CTNNA3: variants seen among roughly 807,000 people sequenced by gnomAD.
The protein encoded by CTNNA3 is catenin alpha-3.
CTNNA3 carries 76 observed loss-of-function variants against 95.7 expected under a neutral mutation model. That is an observed-to-expected ratio of 0.79 (90% confidence interval 0.66 to 0.96). The LOEUF (loss-of-function observed/expected upper bound fraction) is 0.96. Ranked by LOEUF, CTNNA3 falls within the 40% of genes least tolerant of loss-of-function variation. CTNNA3 has a pLI of 0.00. For synonymous variants in CTNNA3, 431 were observed against 374.4 expected (o/e 1.15, Z -1.74); for missense variants, 1,191 against 1,089.8 (o/e 1.09, Z -1.31).
At chr10:67,395,809 A>C (rs896887148) in intron 5 of CTNNA3, among the ~76,000 whole-genome samples, 2 of 152,144 alleles carry the variant, frequency 1.3e-5, no homozygotes, top group African/African-American at 2.4e-5. Flanking sequence ...CCAACAACCT[A>C]TGTGGATAGA....
intron 7 of CTNNA3, among the ~76,000 whole-genome samples, chr10:67,094,850 A>G (rs1450408224): frequency 3.3e-5 from 5 of 151,730 alleles, no homozygotes; most frequent in African/African-American, 1.2e-4. Context: ...CATATACCAT[A>G]TCATGTATAT....
intron 9 of CTNNA3, among the ~76,000 whole-genome samples, chr10:66,662,093 A>T (rs923053216): frequency 2.0e-5 from 3 of 152,152 alleles, no homozygotes; most frequent in South Asian, 4.1e-4. Context: ...ACTAGAAAAC[A>T]TATGCTTAAA....
chr10:66,826,593 T>A (rs1429102684), intron 7 of CTNNA3, among the ~76,000 whole-genome samples: 1 of 152,188 alleles, frequency 6.6e-6, no homozygotes, highest in East Asian at 1.9e-4. Flanking sequence ...AAGCCAAAAG[T>A]AAGCTCCAAA....
intron 12 of CTNNA3, among the ~76,000 whole-genome samples, chr10:66,293,405 T>C (rs1224839931): frequency 1.3e-5 from 2 of 150,840 alleles, no homozygotes; most frequent in Non-Finnish European, 2.9e-5. Context: ...AGAGTTGAGA[T>C]TGTAATATCT....
intron 13 of CTNNA3, among the ~76,000 whole-genome samples, chr10:66,184,389 T>C (rs1821161354): frequency 6.6e-6 from 1 of 152,218 alleles, no homozygotes; most frequent in South Asian, 2.1e-4. Flanking sequence ...TTTTGTTTAG[T>C]AAAACTTTCT....
intron 7 of CTNNA3, among the ~76,000 whole-genome samples, chr10:67,025,788 G>A (rs998968123): frequency 6.6e-6 from 1 of 151,756 alleles, no homozygotes; most frequent in African/African-American, 2.4e-5. Context: ...ACTGATGATC[G>A]CTATAAAGAC....
chr10:67,267,418 G>A (rs777350592), intron 5 of CTNNA3, among the ~76,000 whole-genome samples: 1 of 152,162 alleles, frequency 6.6e-6, no homozygotes, highest in Non-Finnish European at 1.5e-5. Context: ...AGGCTGGAGT[G>A]CAGTGGCACG....
At chr10:66,469,775 G>A (rs954504856) in intron 11 of CTNNA3, among the ~76,000 whole-genome samples, 2 of 151,780 alleles carry the variant, frequency 1.3e-5, no homozygotes, top group Non-Finnish European at 2.9e-5. Context: ...GAAGTGAACA[G>A]AAGAGAAAGA....
intron 5 of CTNNA3, among the ~76,000 whole-genome samples, chr10:67,418,478 A>G (rs763994471): frequency 2.0e-5 from 3 of 150,908 alleles, no homozygotes; most frequent in Non-Finnish European, 4.4e-5. Context: ...ATAAAGAAAC[A>G]GGGGTATACA....
chr10:66,573,604 T>C (rs1321259875), intron 10 of CTNNA3, among the ~76,000 whole-genome samples: 2 of 152,180 alleles, frequency 1.3e-5, no homozygotes, highest in Non-Finnish European at 2.9e-5. Flanking sequence ...TGCCTATTCA[T>C]TTTTGCCTTC....
chr10:66,053,662 T>C (rs774923733), intron 15 of CTNNA3, among the ~76,000 whole-genome samples: 4 of 152,070 alleles, frequency 2.6e-5, no homozygotes, highest in African/African-American at 9.7e-5. Flanking sequence ...ATAATAGTTG[T>C]ACACATTATG....
chr10:66,483,401 G>T (rs1001979517), intron 11 of CTNNA3, among the ~76,000 whole-genome samples: 1 of 151,984 alleles, frequency 6.6e-6, no homozygotes, highest in Non-Finnish European at 1.5e-5. Flanking sequence ...GTACATGTAT[G>T]ATTTGTGGCC....
At chr10:65,941,854 GA>G (rs34634377) in intron 17 of CTNNA3, among the ~76,000 whole-genome samples, 12,636 of 150,900 alleles carry the variant, frequency 0.084, 593 homozygotes, top group South Asian at 0.12. Context: ...ACAATGGGGA[GA>G]AAAAAAAATG....
At chr10:67,136,127 G>T (rs776242248) in intron 7 of CTNNA3, among the ~76,000 whole-genome samples, 1 of 151,802 alleles carries the variant, frequency 6.6e-6, no homozygotes, top group Non-Finnish European at 1.5e-5. Flanking sequence ...ATTTGAGAGG[G>T]TATTTTTTGT....
intron 7 of CTNNA3, among the ~76,000 whole-genome samples, chr10:67,144,896 C>T (rs781641055): frequency 2.7e-4 from 41 of 152,250 alleles, no homozygotes; most frequent in Non-Finnish European, 2.1e-4. Context: ...TTTTGGCCTG[C>T]GTAAGCTTTC....
At chr10:66,309,825 C>T (rs540216111) in intron 12 of CTNNA3, among the ~76,000 whole-genome samples, 134 of 150,230 alleles carry the variant, frequency 8.9e-4, no homozygotes, top group African/African-American at 3.2e-3. Flanking sequence ...TTTGGGAGGC[C>T]AAGGTGGGCG....
chr10:65,985,821 G>T (rs1327062286), intron 16 of CTNNA3, among the ~76,000 whole-genome samples: 3 of 151,372 alleles, frequency 2.0e-5, no homozygotes. Flanking sequence ...AAATTGGAAA[G>T]GAGGAAGTCT....
intron 7 of CTNNA3, among the ~76,000 whole-genome samples, chr10:67,155,073 C>T (rs1346702345): frequency 2.0e-5 from 3 of 152,076 alleles, no homozygotes; most frequent in African/African-American, 4.8e-5. Flanking sequence ...TTCGTAATTA[C>T]GTATTAATTT....
intron 11 of CTNNA3, among the ~76,000 whole-genome samples, chr10:66,507,867 A>G (rs1840507011): frequency 6.6e-6 from 1 of 152,156 alleles, no homozygotes; most frequent in African/African-American, 2.4e-5. Context: ...ATAAATACCC[A>G]GTAGTGGCAC....
Sources: allele counts gnomAD v4.1 joint callset (sites outside exome capture counted in the v4.1 genomes callset), GRCh38; gene constraint gnomAD v4.1.1; transcripts MANE v1.5; gene names NCBI Gene and HGNC (gene_info 2026-07-23, HGNC 2026-07-21).